The following PPM1E variants were observed in gnomAD, a reference collection of about 807,000 sequenced individuals.
PPM1E encodes the protein protein phosphatase, Mg2+/Mn2+ dependent 1E.
PPM1E carries 20 observed loss-of-function variants against 65.9 expected under a neutral mutation model. That is an observed-to-expected ratio of 0.30 (90% confidence interval 0.21 to 0.44). The LOEUF (loss-of-function observed/expected upper bound fraction) is 0.44. PPM1E is among the 20% of genes least tolerant of loss of function. The probability of loss-of-function intolerance (pLI) is 1.00; values close to 1 mark genes in which losing one functional copy is unlikely to be tolerated. For synonymous variants in PPM1E, 352 were observed against 374.9 expected, an observed-to-expected ratio of 0.94 and a Z score of 0.70; for missense variants, 713 against 953.1, an observed-to-expected ratio of 0.75 and a Z score of 3.32.
intron 1 of PPM1E, among the ~76,000 whole-genome samples, chr17:58,893,565 TTCA>T (rs1835032662): frequency 6.6e-6 from 1 of 152,146 alleles, no homozygotes; most frequent in African/African-American, 2.4e-5. Context: ...CCACAGAACA[TTCA>T]TCAAGAGTGA....
intron 1 of PPM1E, among the ~76,000 whole-genome samples, chr17:58,887,053 C>T (rs1044748295): frequency 6.6e-6 from 1 of 151,916 alleles, no homozygotes; most frequent in African/African-American, 2.4e-5. Flanking sequence ...ATATATAAAG[C>T]TCTGTGCATC....
At chr17:58,967,803 C>CTTTT (rs1164198879) in intron 3 of PPM1E, among the ~76,000 whole-genome samples, 4 of 138,052 alleles carry the variant, frequency 2.9e-5, no homozygotes, top group Non-Finnish European at 3.2e-5. Flanking sequence ...TTCTTTATTT[C>CTTTT]TTTTTTTTTT....
Position 58,980,719 on chromosome 17 carries a change from G to A in PPM1E, c.1956G>A (p.Leu652=). The A allele has an allele frequency of 6.2e-7, 1 of 1,614,168 alleles. No homozygotes were observed. Among genetic ancestry groups the A allele is most frequent in the Non-Finnish European group, 8.5e-7 (1 of 1,180,040 alleles). ...GCTTGTCTCCTGTCTGTTCAGGGTTGGAAAATGAACAGTTCAAATCCCCGG... is the reference window on the plus strand; with the variant it reads ...GCTTGTCTCCTGTCTGTTCAGGGTTAGAAAATGAACAGTTCAAATCCCCGG... ...MQSLSPVCSG[L]ENEQFKSPGN... Residue 652 remains leucine (L), a synonymous_variant, in exon 7 of 7, where the codon TTG becomes TTA. Transcript: ENST00000308249. This position sits in a 1 kb window ranked among gnomAD's most constrained non-coding sequence, Gnocchi z 4.7.
chr17:58,761,996 T>C (rs2049825697), intron 1 of PPM1E, among the ~76,000 whole-genome samples: 1 of 152,214 alleles, frequency 6.6e-6, no homozygotes, highest in Non-Finnish European at 1.5e-5. Flanking sequence ...GTATGACGAC[T>C]GATTTCATGT....
chr17:58,817,815 G>C (rs1018446030), intron 1 of PPM1E, among the ~76,000 whole-genome samples: 3 of 151,514 alleles, frequency 2.0e-5, no homozygotes, highest in African/African-American at 7.3e-5. Context: ...GCAGTGGCAC[G>C]ATCTCCGCTC....
chr17:58,962,509 T>C (rs1347944139), intron 2 of PPM1E, among the ~76,000 whole-genome samples: 2 of 152,210 alleles, frequency 1.3e-5, no homozygotes, highest in Non-Finnish European at 2.9e-5. Context: ...GTTATGGCTA[T>C]GTCAGATGAG....
intron 1 of PPM1E, among the ~76,000 whole-genome samples, chr17:58,847,487 A>G: frequency 6.6e-6 from 1 of 152,172 alleles, no homozygotes; most frequent in Non-Finnish European, 1.5e-5. Context: ...CTTTCTACAT[A>G]TGGCTAGCCA....
chr17:58,845,268 C>A (rs7502342), intron 1 of PPM1E, among the ~76,000 whole-genome samples: 27,844 of 149,932 alleles, frequency 0.19, 2,726 homozygotes, highest in Non-Finnish European at 0.21. Context: ...CAGATTCATT[C>A]CTCTACAGTT....
At chr17:58,771,735 G>C (rs2049941379) in intron 1 of PPM1E, among the ~76,000 whole-genome samples, 1 of 151,764 alleles carries the variant, frequency 6.6e-6, no homozygotes, top group African/African-American at 2.4e-5. Flanking sequence ...TTATTCATTT[G>C]TTTTCCACCT....
intron 1 of PPM1E, among the ~76,000 whole-genome samples, chr17:58,759,279 T>G (rs2049800190): frequency 6.6e-6 from 1 of 152,178 alleles, no homozygotes; most frequent in South Asian, 2.1e-4. Flanking sequence ...ACCTACGTTT[T>G]ACTCCTTTCT....
At position 58,955,697 on chromosome 17, in the gene PPM1E, T is replaced by G. The variant is rs1368817262; in HGVS notation, c.513T>G (p.Asp171Glu). The G allele has an allele frequency of 3.1e-6, 5 of 1,613,556 alleles. No homozygotes were observed. The highest frequency in any genetic ancestry group is 4.2e-6 in the Non-Finnish European group (5 of 1,179,912). The change falls in exon 2 of 7, where the codon GAT becomes GAG. Residue 171 changes from aspartate to glutamate, a missense_variant. Coordinates refer to ENST00000308249, the MANE Select transcript of PPM1E (RefSeq NM_014906.5). The part of the protein sequence containing the change: ...LAAALARATS[D>E]EVLQSDLSAH... ...CTGCTTTAGCCAGAGCCACATCAGATGAAGTCCTTCAGAGTGATCTTTCTG... is the reference window on the plus strand; with the variant it reads ...CTGCTTTAGCCAGAGCCACATCAGAGGAAGTCCTTCAGAGTGATCTTTCTG...
chr17:58,829,165 C>T (rs2050573396), intron 1 of PPM1E, among the ~76,000 whole-genome samples: 1 of 152,022 alleles, frequency 6.6e-6, no homozygotes, highest in East Asian at 1.9e-4. Context: ...GCCTCAGTCT[C>T]CTGAGTAGCT....
intron 1 of PPM1E, among the ~76,000 whole-genome samples, chr17:58,856,607 G>C (rs1341689940): frequency 6.6e-6 from 1 of 152,132 alleles, no homozygotes; most frequent in Non-Finnish European, 1.5e-5. Context: ...CCCTTAAGGA[G>C]GTAATTAATG....
At chr17:58,821,467 A>G (rs1010365743) in intron 1 of PPM1E, among the ~76,000 whole-genome samples, 9 of 152,190 alleles carry the variant, frequency 5.9e-5, no homozygotes, top group Admixed American at 2.6e-4. Flanking sequence ...GAAAAAGAAG[A>G]AAGTTTTTTC....
At chr17:58,920,354 A>C (rs1444706000) in intron 1 of PPM1E, among the ~76,000 whole-genome samples, 1 of 152,106 alleles carries the variant, frequency 6.6e-6, no homozygotes, top group Non-Finnish European at 1.5e-5. Flanking sequence ...CTTCCACCTC[A>C]ATTTAGTCAC....
At chr17:58,971,790 T>C (rs924784698) in intron 4 of PPM1E, among the ~76,000 whole-genome samples, 1 of 152,222 alleles carries the variant, frequency 6.6e-6, no homozygotes, top group Admixed American at 6.5e-5. Context: ...AGTGCTTGAC[T>C]GGGAGGAAAA....
At chr17:58,879,866 CCTTGGGCTTTGGAGGAGTGGCAAAA>C (rs1567862296) in intron 1 of PPM1E, among the ~76,000 whole-genome samples, 1 of 152,142 alleles carries the variant, frequency 6.6e-6, no homozygotes, top group Non-Finnish European at 1.5e-5. Context: ...TTTCCAGAAC[CCTTGGGCTTTGGAGGAGTGGCAAAA>C]CTCCACTTCC....
intron 1 of PPM1E, among the ~76,000 whole-genome samples, chr17:58,937,046 C>T (rs2051990989): frequency 6.6e-6 from 1 of 151,478 alleles, no homozygotes; most frequent in South Asian, 2.1e-4. Flanking sequence ...CCTGTAATCC[C>T]AGCACTTTGG....
intron 1 of PPM1E, among the ~76,000 whole-genome samples, chr17:58,893,807 C>T (rs138106418): frequency 1.1e-4 from 16 of 152,226 alleles, no homozygotes; most frequent in Middle Eastern, 3.4e-3. Context: ...CATGATGGCT[C>T]ATGCCTATAA....
Sources: gnomAD v4.1 joint callset for allele counts (sites outside exome capture counted in the v4.1 genomes callset) on GRCh38, gnomAD v4.1.1 for gene constraint, Gnocchi (gnomAD v3.1) non-coding constraint, MANE v1.5 for transcripts, NCBI Gene and HGNC (gene_info 2026-07-23, HGNC 2026-07-21) for gene names.